Variants in MIPOL1 observed in about 807,000 individuals in gnomAD.
MIPOL1 encodes mirror-image polydactyly gene 1 protein.
In MIPOL1, 57 loss-of-function variants were observed where a neutral mutation model predicts 60.9. That is an observed-to-expected ratio of 0.94 (90% CI 0.76 to 1.17). The LOEUF (loss-of-function observed/expected upper bound fraction) is 1.17, where lower values mean the gene tolerates loss of function less well. Among genes scored for constraint, MIPOL1 ranks in the 50% most tolerant of loss-of-function variants. The pLI is 0.00. For missense variants in MIPOL1, 551 were observed against 511.6 expected, an observed-to-expected ratio of 1.08 and a Z score of -0.74; for synonymous variants, 179 against 168.8, an observed-to-expected ratio of 1.06 and a Z score of -0.47.
chr14:37,413,970 A>C (rs761364633), intron 10 of MIPOL1, among the ~76,000 whole-genome samples: 3 of 152,216 alleles, frequency 2.0e-5, no homozygotes, highest in Non-Finnish European at 4.4e-5. Flanking sequence ...AGTGAGATAA[A>C]GGAAGACCAT....
intron 11 of MIPOL1, among the ~76,000 whole-genome samples, chr14:37,426,821 C>G (rs1163174488): frequency 6.6e-6 from 1 of 151,554 alleles, no homozygotes; most frequent in Non-Finnish European, 1.5e-5. Flanking sequence ...GAAGATATAT[C>G]ATAAGAAGAG....
intron 1 of MIPOL1, among the ~76,000 whole-genome samples, chr14:37,236,818 T>C (rs1017838383): frequency 5.3e-5 from 8 of 152,116 alleles, no homozygotes; most frequent in Non-Finnish European, 8.8e-5. Context: ...AGCTAATGTG[T>C]TTATAGAGTT....
chr14:37,231,218 A>G (rs867370605), intron 1 of MIPOL1, among the ~76,000 whole-genome samples: 4 of 151,912 alleles, frequency 2.6e-5, no homozygotes, highest in African/African-American at 9.7e-5. Context: ...CTCTGGAGTA[A>G]TTAGGACTAC....
At chr14:37,513,363 A>G (rs779577550) in intron 12 of MIPOL1, among the ~76,000 whole-genome samples, 21 of 152,152 alleles carry the variant, frequency 1.4e-4, no homozygotes, top group Non-Finnish European at 2.5e-4. Context: ...AGCTGATTTT[A>G]TTATACACAT....
At chr14:37,221,222 C>T (rs976469582) in intron 1 of MIPOL1, among the ~76,000 whole-genome samples, 3 of 152,136 alleles carry the variant, frequency 2.0e-5, no homozygotes, top group African/African-American at 7.2e-5. Context: ...ACTTATGGTT[C>T]TGGAGACTGG....
chr14:37,353,034 C>G (rs1198453724), intron 9 of MIPOL1, among the ~76,000 whole-genome samples: 4 of 129,134 alleles, frequency 3.1e-5, no homozygotes, highest in South Asian at 2.9e-4. Context: ...ATGATATTGG[C>G]TGTGGGTTTG....
intron 11 of MIPOL1, among the ~76,000 whole-genome samples, chr14:37,426,178 T>C (rs762456273): frequency 3.9e-4 from 59 of 152,030 alleles, no homozygotes; most frequent in Non-Finnish European, 1.0e-4. Flanking sequence ...TGCAGAAAAG[T>C]TCACCTTGAA....
chr14:37,434,327 T>G (rs1264169205), intron 11 of MIPOL1: 1 of 152,330 alleles, frequency 6.6e-6, no homozygotes, highest in South Asian at 2.1e-4. Context: ...CACATAAGTG[T>G]CTTCTTTTGA....
intron 12 of MIPOL1, among the ~76,000 whole-genome samples, chr14:37,536,844 A>G (rs533762182): frequency 7.2e-5 from 11 of 152,326 alleles, no homozygotes; most frequent in African/African-American, 1.7e-4. Context: ...AAGAACCATA[A>G]TAATTTTCTA....
intron 10 of MIPOL1, among the ~76,000 whole-genome samples, chr14:37,421,132 A>C (rs892991063): frequency 1.3e-5 from 2 of 152,178 alleles, no homozygotes; most frequent in African/African-American, 4.8e-5. Context: ...ATTTAAATTT[A>C]TCACAGTCCC....
intron 9 of MIPOL1, among the ~76,000 whole-genome samples, chr14:37,361,202 T>A (rs1253423515): frequency 6.6e-6 from 1 of 152,322 alleles, no homozygotes; most frequent in African/African-American, 2.4e-5. Context: ...GTGATTTCTG[T>A]TCTTTTACAT....
chr14:37,361,610 CTTTTTTTTTTTTTT>C lies in MIPOL1; in HGVS notation c.829-7893_829-7880del, dbSNP rs71127213. 1.1e-3 allele frequency among the ~76,000 whole-genome samples: 87 copies of C among 82,582 alleles called. 2 individuals carry two copies. The East Asian group carries it at 0.03, about 29-fold the overall frequency. 54.2% of individuals were successfully genotyped at this position (82,582 alleles called of 152,430 possible). On this transcript the variant is annotated intron_variant, in intron 9 of 12. Transcript: ENST00000684589. ...GCCTTTTTTGTTTCTCCCTCTCTCT[CTTTTTTTTTTTTTT>C]TTTTTTTTTTTTTGCCTCTCTCGCA...
chr14:37,314,417 A>G (rs2087664197), intron 9 of MIPOL1, among the ~76,000 whole-genome samples: 1 of 152,200 alleles, frequency 6.6e-6, no homozygotes, highest in African/African-American at 2.4e-5. Context: ...CATGAATCCA[A>G]TCTAGTGATG....
chr14:37,466,384 C>T (rs751205856), intron 11 of MIPOL1, among the ~76,000 whole-genome samples: 6 of 152,052 alleles, frequency 3.9e-5, no homozygotes, highest in African/African-American at 9.7e-5. Flanking sequence ...GCTTTTACAC[C>T]TACACAGTAT....
In MIPOL1 at chr14:37,461,848, C is replaced by T. The variant is rs765662296; in HGVS notation, c.1032-38060C>T. On this transcript the variant is annotated intron_variant, in intron 11 of 12. Transcript: ENST00000684589. ...TCCCAGAGTCTCAGGCAGCTCCACC[C>T]TGTGACTTTGCAGGGTACAGCTTCC... Among the ~76,000 whole-genome samples the T allele has an allele frequency of 4.6e-5, 7 of 152,208 alleles. No homozygotes were observed. In the South Asian group the frequency reaches 6.2e-4, roughly 13 times the overall value.
chr14:37,244,695 G>T (rs1972912528), intron 1 of MIPOL1, among the ~76,000 whole-genome samples: 1 of 151,940 alleles, frequency 6.6e-6, no homozygotes, highest in Admixed American at 6.6e-5. Flanking sequence ...TTAGCATTTG[G>T]ATTAAGAAAC....
chr14:37,206,575 C>T (rs1966127177), intron 1 of MIPOL1, among the ~76,000 whole-genome samples: 1 of 152,168 alleles, frequency 6.6e-6, no homozygotes, highest in South Asian at 2.1e-4. Context: ...CCACCATCCT[C>T]CAGACCCCAG....
intron 10 of MIPOL1, among the ~76,000 whole-genome samples, chr14:37,373,347 T>C (rs2092692438): frequency 6.6e-6 from 1 of 152,132 alleles, no homozygotes; most frequent in Non-Finnish European, 1.5e-5. Flanking sequence ...TAGATGTAAA[T>C]ATGTAGACAT....
chr14:37,356,320 C>T (rs923102990), intron 9 of MIPOL1, among the ~76,000 whole-genome samples: 2 of 151,774 alleles, frequency 1.3e-5, no homozygotes, highest in African/African-American at 4.8e-5. Flanking sequence ...AGCTGTCAGA[C>T]AGGGACATTT....
Sources: gnomAD v4.1 joint callset for allele counts (sites outside exome capture counted in the v4.1 genomes callset) on GRCh38, gnomAD v4.1.1 for gene constraint, MANE v1.5 for transcripts, NCBI Gene and HGNC (gene_info 2026-07-23, HGNC 2026-07-21) for gene names.